VPS13B: variants seen among roughly 807,000 people sequenced by gnomAD.
VPS13B encodes vacuolar protein sorting 13 homolog B, also known as intermembrane lipid transfer protein VPS13B.
Under a neutral mutation model 426.4 loss-of-function variants are expected in VPS13B, and 285 were observed. That is an observed-to-expected ratio of 0.67 (90% CI 0.61 to 0.74). The LOEUF is 0.74. Ranked by LOEUF, VPS13B falls within the 30% of genes least tolerant of loss-of-function variation. VPS13B has a pLI of 0.00. For synonymous variants in VPS13B, 1,676 were observed against 1,676.4 expected (o/e 1.00, Z 0.01); for missense variants, 4,537 against 4,782.6 (o/e 0.95, Z 1.51).
intron 8 of VPS13B, among the ~76,000 whole-genome samples, chr8:99,123,710 C>A: frequency 6.6e-6 from 1 of 150,688 alleles, no homozygotes; most frequent in Non-Finnish European, 1.5e-5. Flanking sequence ...TTTTGAAGGT[C>A]AAATAGGCAG....
At position 99,277,921 on chromosome 8, in the gene VPS13B, CT is replaced by C. The variant is rs1818980239; in HGVS notation, c.2824+2670del. 2.0e-5 allele frequency among the ~76,000 whole-genome samples: 3 copies of C among 152,190 alleles called. No individual in the cohort carries two copies. In the South Asian group the frequency reaches 6.2e-4, roughly 32 times the overall value. On this transcript the variant is annotated intron_variant, in intron 19 of 61. Transcript: ENST00000357162. Reference sequence around the variant, plus strand: ...GTAACTGATGATTACATTTACTTTTCTTTGCTTTTTGAAGTTGAAGTATCTA... The same window carrying C: ...GTAACTGATGATTACATTTACTTTTCTTGCTTTTTGAAGTTGAAGTATCTA...
At chr8:99,267,789 A>G (rs1818384143) in intron 17 of VPS13B, among the ~76,000 whole-genome samples, 1 of 152,150 alleles carries the variant, frequency 6.6e-6, no homozygotes, top group South Asian at 2.1e-4. Context: ...AGCTGGCCAC[A>G]AAAATTTGCA....
chr8:99,853,092 T>C (rs1440960580), intron 55 of VPS13B, among the ~76,000 whole-genome samples: 1 of 152,174 alleles, frequency 6.6e-6, no homozygotes, highest in Non-Finnish European at 1.5e-5. Flanking sequence ...CATCACTTTT[T>C]CAATTTAGGG....
At chr8:99,751,047 A>AC (rs2130538684) in intron 39 of VPS13B, among the ~76,000 whole-genome samples, 1 of 152,212 alleles carries the variant, frequency 6.6e-6, no homozygotes, top group South Asian at 2.1e-4. Flanking sequence ...TTGTGTTTTG[A>AC]CCACACTGAG....
chr8:99,456,502 C>T (rs1818471552), intron 23 of VPS13B, among the ~76,000 whole-genome samples: 2 of 151,982 alleles, frequency 1.3e-5, no homozygotes, highest in Admixed American at 6.6e-5. Flanking sequence ...TCATGAATTG[C>T]TTGTTGATTT....
intron 32 of VPS13B, among the ~76,000 whole-genome samples, chr8:99,576,377 A>AT (rs77084008): frequency 0.064 from 9,635 of 151,164 alleles, 405 homozygotes; most frequent in African/African-American, 0.12. Flanking sequence ...TACGGTGACT[A>AT]TTTTTTTTTA....
intron 34 of VPS13B, among the ~76,000 whole-genome samples, chr8:99,646,613 T>C (rs894303592): frequency 1.3e-5 from 2 of 152,186 alleles, no homozygotes; most frequent in Non-Finnish European, 2.9e-5. Context: ...GATTGTATGA[T>C]TTGGTTTGGA....
chr8:99,811,222 C>G (rs1328059880), intron 44 of VPS13B, among the ~76,000 whole-genome samples: 1 of 152,182 alleles, frequency 6.6e-6, no homozygotes, highest in Non-Finnish European at 1.5e-5. Context: ...AGTTTTCTTC[C>G]TGATTTCGAA....
chr8:99,699,976 T>A, intron 36 of VPS13B, 44 bp downstream of exon 36: 2 of 1,597,370 alleles, frequency 1.3e-6, no homozygotes, highest in Non-Finnish European at 1.7e-6. Flanking sequence ...ACAAGTAAGA[T>A]GATTTGTTAA....
At chr8:99,716,238 T>C (rs1832915520) in intron 36 of VPS13B, among the ~76,000 whole-genome samples, 1 of 152,196 alleles carries the variant, frequency 6.6e-6, no homozygotes, top group African/African-American at 2.4e-5. Flanking sequence ...TTCAAGTCTC[T>C]ACAGAATTGA....
chr8:99,502,008 G>A, intron 26 of VPS13B, 150 bp downstream of exon 26: 1 of 1,054,504 alleles, frequency 9.5e-7, no homozygotes, highest in Non-Finnish European at 1.4e-6. Flanking sequence ...CTTTCTGACA[G>A]AGTTTTGCTC....
intron 11 of VPS13B, 40 bp from the exon 12 acceptor site, chr8:99,136,625 T>G: frequency 6.2e-7 from 1 of 1,607,910 alleles, no homozygotes; most frequent in Non-Finnish European, 8.5e-7. Context: ...AAAGTTTCTT[T>G]TATACAATGT....
intron 2 of VPS13B, among the ~76,000 whole-genome samples, chr8:99,017,527 C>G (rs547984055): frequency 6.6e-6 from 1 of 151,264 alleles, no homozygotes; most frequent in African/African-American, 2.4e-5. Context: ...CAGAGTCTTG[C>G]TCTGTAGCCC....
At chr8:99,502,001 T>C in intron 26 of VPS13B, 143 bp downstream of exon 26, 1 of 1,085,852 alleles carries the variant, frequency 9.2e-7, no homozygotes, top group Non-Finnish European at 1.3e-6. Context: ...GTCTTTCCTT[T>C]CTGACAGAGT....
intron 33 of VPS13B, among the ~76,000 whole-genome samples, chr8:99,579,696 CCTTT>C (rs61304858): frequency 1.7e-4 from 26 of 150,072 alleles, no homozygotes; most frequent in East Asian, 1.0e-3. Flanking sequence ...CCGCGCCTGG[CCTTT>C]CTTTCTTTCT....
intron 33 of VPS13B, among the ~76,000 whole-genome samples, chr8:99,592,262 T>G (rs777201973): frequency 2.6e-5 from 4 of 152,086 alleles, no homozygotes; most frequent in Non-Finnish European, 4.4e-5. Flanking sequence ...CATTCGAACA[T>G]CCTCCCGTAG....
At chr8:99,591,642 T>G (rs1054100311) in intron 33 of VPS13B, among the ~76,000 whole-genome samples, 7 of 152,156 alleles carry the variant, frequency 4.6e-5, no homozygotes, top group African/African-American at 1.7e-4. Flanking sequence ...AAATTCTGGG[T>G]TGAAAATTCT....
intron 60 of VPS13B, 165 bp downstream of exon 60, chr8:99,871,052 GGCT>G (rs1418045389): frequency 1.4e-6 from 1 of 733,096 alleles, no homozygotes; most frequent in African/African-American, 1.7e-5. Context: ...GACAGGAAGA[GGCT>G]GCTGTTGCCA....
intron 24 of VPS13B, among the ~76,000 whole-genome samples, chr8:99,478,455 T>G (rs1341805184): frequency 0.016 from 2,127 of 134,200 alleles, 60 homozygotes; most frequent in African/African-American, 0.058. Context: ...TTGTTTTTTT[T>G]TTTTTTTTTT....
Sources: gnomAD v4.1 joint callset for allele counts (sites outside exome capture counted in the v4.1 genomes callset) on GRCh38, gnomAD v4.1.1 for gene constraint, MANE v1.5 for transcripts, NCBI Gene and HGNC (gene_info 2026-07-23, HGNC 2026-07-21) for gene names.